The following GRIK3 variants were observed in gnomAD, a reference collection of about 807,000 sequenced individuals.
The protein encoded by GRIK3 is glutamate receptor ionotropic, kainate 3.
A neutral mutation model predicts 102.5 loss-of-function variants in GRIK3; 29 were observed. That is an observed-to-expected ratio of 0.28 (90% CI 0.21 to 0.39). GRIK3 has a LOEUF of 0.39. Ranked by LOEUF, GRIK3 falls within the 10% of genes least tolerant of loss-of-function variation. The pLI is 1.00. For synonymous variants in GRIK3, 511 were observed against 504.9 expected (o/e 1.01, Z -0.16); for missense variants, 908 against 1,252.4 (o/e 0.73, Z 4.15).
intron 5 of GRIK3, among the ~76,000 whole-genome samples, chr1:36,862,405 A>G (rs1168791682): frequency 1.3e-5 from 2 of 152,174 alleles, no homozygotes; most frequent in East Asian, 3.8e-4. Context: ...GTGGGTGTCC[A>G]GGACAAGACA....
intron 1 of GRIK3, among the ~76,000 whole-genome samples, chr1:36,938,747 C>A (rs1200342162): frequency 6.6e-6 from 1 of 152,208 alleles, no homozygotes; most frequent in Non-Finnish European, 1.5e-5. Context: ...CTGAGCCCAA[C>A]TCCCTGACCA....
intron 5 of GRIK3, among the ~76,000 whole-genome samples, chr1:36,868,074 T>C (rs889384022): frequency 7.9e-5 from 12 of 152,240 alleles, no homozygotes; most frequent in African/African-American, 2.9e-4. Flanking sequence ...AGGATCCTAG[T>C]GTCCCCGGGT....
intron 10 of GRIK3, among the ~76,000 whole-genome samples, chr1:36,840,942 C>T (rs1172289530): frequency 1.3e-5 from 2 of 152,130 alleles, no homozygotes; most frequent in East Asian, 1.9e-4. Context: ...ACAACAATCG[C>T]GTGAGGAAGG....
At chr1:36,840,908 T>G (rs1275523446) in intron 10 of GRIK3, among the ~76,000 whole-genome samples, 1 of 152,290 alleles carries the variant, frequency 6.6e-6, no homozygotes, top group South Asian at 2.1e-4. Context: ...GAACTTACTC[T>G]AGGCCCAGTC....
At chr1:36,857,194 G>C (rs558101556) in intron 7 of GRIK3, among the ~76,000 whole-genome samples, 1 of 152,254 alleles carries the variant, frequency 6.6e-6, no homozygotes, top group South Asian at 2.1e-4. Flanking sequence ...CAAATTTCCC[G>C]ATTGAGCCAG....
intron 1 of GRIK3, among the ~76,000 whole-genome samples, chr1:36,945,814 GA>G (rs1641776932): frequency 6.6e-6 from 1 of 152,224 alleles, no homozygotes; most frequent in Non-Finnish European, 1.5e-5. Context: ...CACAGCTGAT[GA>G]ATGGGGACTC....
intron 1 of GRIK3, among the ~76,000 whole-genome samples, chr1:36,895,039 G>A (rs933632373): frequency 1.6e-4 from 24 of 152,210 alleles, no homozygotes; most frequent in African/African-American, 5.8e-4. Context: ...CTACACGTGT[G>A]TGTTGCGGGG....
intron 9 of GRIK3, among the ~76,000 whole-genome samples, chr1:36,843,181 A>G (rs6668992): frequency 3.3e-4 from 50 of 152,214 alleles, no homozygotes; most frequent in African/African-American, 1.2e-3. Context: ...CAGTCGAGAT[A>G]TGCAGTGTGA....
In GRIK3 at chr1:36,872,497, G is replaced by C; in HGVS notation, c.551-128C>G. ...TCTGCAGACATACACGGGCAGAAAC[G>C]TGGCCCACAGAGACTTGTGCACGTG... On this transcript the variant is annotated intron_variant, in intron 3 of 15. Transcript: ENST00000373091. The surrounding 1 kb of genome is among the most constrained non-coding windows in gnomAD (Gnocchi z 5.9). 1 of 686,598 alleles carries C rather than the reference G, an allele frequency of 1.5e-6. No homozygotes were observed. The highest frequency in any genetic ancestry group is 2.4e-6 in the Non-Finnish European group (1 of 423,622). 42.5% of individuals were successfully genotyped at this position (686,598 alleles called of 1,614,324 possible).
chr1:36,844,926 T>C (rs1640503157), intron 9 of GRIK3, among the ~76,000 whole-genome samples: 1 of 152,200 alleles, frequency 6.6e-6, no homozygotes, highest in African/African-American at 2.4e-5. Context: ...GACCCTGTCT[T>C]CACGCCCCTC....
Position 36,941,582 on chromosome 1 carries a change from C to T in GRIK3, c.116-50486G>A, listed in dbSNP as rs112211523. 5.0e-3 allele frequency among the ~76,000 whole-genome samples: 760 copies of T among 152,054 alleles called. 7 individuals are homozygous for T. The highest frequency in any genetic ancestry group is 0.018 in the African/African-American group (732 of 41,466). On this transcript the variant is annotated intron_variant, in intron 1 of 15. Transcript: ENST00000373091. The stretch of plus-strand genomic sequence containing the variant: ...GGGGGGAGTGCTGTATAAAGGCGCC[C>T]CTCCCACCGTGGCTATGGTCTACTT...
At chr1:36,816,669 C>T (rs1012925909) in intron 13 of GRIK3, among the ~76,000 whole-genome samples, 16 of 152,338 alleles carry the variant, frequency 1.1e-4, no homozygotes, top group Admixed American at 5.9e-4. Context: ...CTCAGGTTAG[C>T]TTCTTTGAGA....
intron 1 of GRIK3, among the ~76,000 whole-genome samples, chr1:36,928,032 C>G (rs1360628098): frequency 6.6e-6 from 1 of 152,150 alleles, no homozygotes; most frequent in Non-Finnish European, 1.5e-5. Flanking sequence ...ACCACTTGTC[C>G]TGCTCAAAGA....
chr1:36,875,838 T>C (rs1570774158), intron 3 of GRIK3, among the ~76,000 whole-genome samples: 1 of 152,236 alleles, frequency 6.6e-6, no homozygotes, highest in African/African-American at 2.4e-5. Flanking sequence ...AGCATTATTA[T>C]AGAAAGAGAT....
At chr1:36,896,139 A>G (rs1352018248) in intron 1 of GRIK3, among the ~76,000 whole-genome samples, 2 of 152,232 alleles carry the variant, frequency 1.3e-5, no homozygotes, top group Non-Finnish European at 2.9e-5. Context: ...GATGTTCTTT[A>G]GAGAGAAGGA....
chr1:36,987,710 G>T (rs945001208), intron 1 of GRIK3, among the ~76,000 whole-genome samples: 3 of 152,118 alleles, frequency 2.0e-5, no homozygotes, highest in Admixed American at 2.0e-4. Context: ...GGAACGGTGG[G>T]TGCATGGGTA....
chr1:36,993,782 G>A (rs1306243393), intron 1 of GRIK3, among the ~76,000 whole-genome samples: 1 of 152,174 alleles, frequency 6.6e-6, no homozygotes, highest in Non-Finnish European at 1.5e-5. Flanking sequence ...CTCCTTCCAG[G>A]GGTGGCCCAT....
intron 14 of GRIK3, 69 bp from the exon 15 acceptor site, chr1:36,805,306 A>G: frequency 1.3e-6 from 2 of 1,516,342 alleles, no homozygotes; most frequent in Non-Finnish European, 1.8e-6. Context: ...CTCTGCCAAC[A>G]CCCTGGTCAG....
Position 36,911,089 on chromosome 1 carries a change from C to G in GRIK3, c.116-19993G>C, listed in dbSNP as rs550324375. 4.6e-5 allele frequency among the ~76,000 whole-genome samples: 7 copies of G among 152,084 alleles called. No homozygotes were observed. The East Asian group carries it at 9.7e-4, about 21-fold the overall frequency. ...GGCACTGGCCTTGGATAGATTATCA[C>G]AGTGAGGAGGACCTGTACAGACCCA... On this transcript the variant is annotated intron_variant, in intron 1 of 15. Coordinates refer to ENST00000373091, the MANE Select transcript of GRIK3 (RefSeq NM_000831.4).
Sources: gnomAD v4.1 joint callset for allele counts (sites outside exome capture counted in the v4.1 genomes callset) on GRCh38, gnomAD v4.1.1 for gene constraint, Gnocchi (gnomAD v3.1) non-coding constraint, MANE v1.5 for transcripts, NCBI Gene and HGNC (gene_info 2026-07-23, HGNC 2026-07-21) for gene names.